Variants in ARFGEF2 observed in about 807,000 individuals in gnomAD.
ARFGEF2 encodes the protein brefeldin A-inhibited guanine nucleotide-exchange protein 2.
A neutral mutation model predicts 219.9 loss-of-function variants in ARFGEF2; 74 were observed. That is an observed-to-expected ratio of 0.34 (90% CI 0.28 to 0.41). The LOEUF is 0.41. ARFGEF2 is among the 10% of genes least tolerant of loss of function. The pLI is 1.00. For missense variants in ARFGEF2, 1,743 were observed against 2,218.3 expected (o/e 0.79, Z 4.30); for synonymous variants, 733 against 799.2 (o/e 0.92, Z 1.40).
intron 31 of ARFGEF2, 90 bp from the exon 32 acceptor site, chr20:49,017,159 G>A (rs935855926): frequency 4.5e-6 from 6 of 1,338,196 alleles, no homozygotes; most frequent in South Asian, 1.2e-5. Context: ...ACCAGTTGCT[G>A]TCTCCAACTC....
At position 49,023,192 on chromosome 20, in the gene ARFGEF2, G is replaced by A. The variant is rs2091576737; in HGVS notation, c.4755+11G>A. ...ATGGTTGCCGCCCAGGTAAGAACAGGAGGCCTCAGGAAGAGCATCCCTGTC... is the reference window on the plus strand; with the variant it reads ...ATGGTTGCCGCCCAGGTAAGAACAGAAGGCCTCAGGAAGAGCATCCCTGTC... On this transcript the variant is annotated intron_variant, in intron 35 of 38. Coordinates refer to ENST00000371917, the MANE Select transcript of ARFGEF2 (RefSeq NM_006420.3). The A allele has an allele frequency of 6.2e-7, 1 of 1,614,022 alleles. No homozygotes were observed.
chr20:48,966,547 T>C (rs1034921557), intron 8 of ARFGEF2, among the ~76,000 whole-genome samples: 1 of 152,236 alleles, frequency 6.6e-6, no homozygotes, highest in Non-Finnish European at 1.5e-5. Context: ...GGCCCATAGA[T>C]ATGTCTGCCA....
Position 48,988,508 on chromosome 20 carries a change from G to A in ARFGEF2, c.2379G>A (p.Thr793=), listed in dbSNP as rs757900146. 1.1e-5 allele frequency: 17 copies of A among 1,612,724 alleles called. No homozygotes were observed. Among genetic ancestry groups the A allele is most frequent in the East Asian group, 4.5e-5 (2 of 44,814 alleles). The change falls in exon 18 of 39, where the codon ACG becomes ACA. Residue 793 remains threonine, a synonymous_variant. Coordinates refer to ENST00000371917, the MANE Select transcript of ARFGEF2 (RefSeq NM_006420.3). ...AATTACAGGTAAAAAATAAAATGAC[G>A]AAAGAGCAGTATATTAAAATGAATC... The part of the protein sequence containing the change: ...LHSPQVKNKM[T]KEQYIKMNRG...
chr20:49,000,297 T>C (rs941263496), intron 25 of ARFGEF2, among the ~76,000 whole-genome samples: 18 of 152,318 alleles, frequency 1.2e-4, no homozygotes, highest in African/African-American at 4.3e-4. Flanking sequence ...ATCTGAGTGC[T>C]TCATGCTGGG....
chr20:48,930,975 A>ATT (rs1026038032), intron 1 of ARFGEF2, among the ~76,000 whole-genome samples: 10 of 152,204 alleles, frequency 6.6e-5, no homozygotes, highest in African/African-American at 2.2e-4. Flanking sequence ...AGTCGAGAAA[A>ATT]TTTGAGAGTG....
chr20:49,021,951 C>A (rs1293592405), intron 34 of ARFGEF2, among the ~76,000 whole-genome samples: 1 of 151,226 alleles, frequency 6.6e-6, no homozygotes, highest in Non-Finnish European at 1.5e-5. Flanking sequence ...AGTTTGAGAC[C>A]AGCCTGGCTA....
In ARFGEF2 at chr20:48,951,365, A is replaced by G. The variant is rs111612717; in HGVS notation, c.319A>G (p.Ser107Gly). The G allele has an allele frequency of 1.2e-6, 2 of 1,614,204 alleles. No homozygotes were observed. The highest frequency in any genetic ancestry group is 2.2e-5 in the South Asian group (2 of 91,090). ...GCACATCACTGGCAACGCCCCTGAC[A>G]GTGGAGCCCCTGGGAAGCGGCTGAT... Reference protein sequence around the residue: ...YGHITGNAPDSGAPGKRLIDR... With the variant: ...YGHITGNAPDGGAPGKRLIDR... Residue 107 changes from serine (S) to glycine (G), a missense_variant, in exon 4 of 39, where the codon AGT becomes GGT. This residue lies in a region of ARFGEF2 where 394 missense variants were observed against 426.6 expected (regional missense o/e 0.92). Coordinates refer to ENST00000371917, the MANE Select transcript of ARFGEF2 (RefSeq NM_006420.3).
At chr20:48,952,111 A>G (rs1473271584) in intron 4 of ARFGEF2, among the ~76,000 whole-genome samples, 1 of 133,564 alleles carries the variant, frequency 7.5e-6, no homozygotes, top group Non-Finnish European at 1.6e-5. Flanking sequence ...TATTCATTTT[A>G]GGTTTTTCAG....
At chr20:49,014,745 G>A (rs765673929) in intron 30 of ARFGEF2, among the ~76,000 whole-genome samples, 7 of 152,228 alleles carry the variant, frequency 4.6e-5, no homozygotes, top group Non-Finnish European at 1.0e-4. Flanking sequence ...AGGCAACATA[G>A]TGAGACCATA....
chr20:48,960,497 T>G (rs2091140716), intron 6 of ARFGEF2, among the ~76,000 whole-genome samples: 1 of 151,854 alleles, frequency 6.6e-6, no homozygotes, highest in South Asian at 2.1e-4. Context: ...TCTTTTTTTT[T>G]TTTGAGACCG....
intron 37 of ARFGEF2, among the ~76,000 whole-genome samples, chr20:49,030,720 C>T (rs753882872): frequency 3.3e-5 from 5 of 152,068 alleles, no homozygotes; most frequent in African/African-American, 7.2e-5. Context: ...TATGTAGGGC[C>T]GGGCGCGGTG....
Position 48,994,596 on chromosome 20 carries a change from T to C in ARFGEF2, c.3119T>C (p.Leu1040Pro). 6.2e-7 allele frequency: 1 copy of C among 1,613,712 alleles called. No homozygotes were observed. Among genetic ancestry groups the C allele is most frequent in the Non-Finnish European group, 8.5e-7 (1 of 1,180,024 alleles). Reference sequence around the variant, plus strand: ...GGAGAAGAGTTCATGGGCCTTGGCCTCGGTAAGACACCAGGCCCCACAGCT... The same window carrying C: ...GGAGAAGAGTTCATGGGCCTTGGCCCCGGTAAGACACCAGGCCCCACAGCT... ...LAGEEFMGLG[L>P]GNLVSGGVDK... Residue 1040 changes from leucine (L) to proline (P), a missense_variant and splice_region_variant, in exon 22 of 39, where the codon CTC (leucine) becomes CCC (proline). Physicochemically the swap from Leu to Pro is moderately conservative, Grantham distance 98. This residue lies in a region of ARFGEF2 where 666 missense variants were observed against 955.4 expected (regional missense o/e 0.70). Coordinates refer to ENST00000371917, the MANE Select transcript of ARFGEF2 (RefSeq NM_006420.3).
chr20:48,983,793 G>A (rs988027513), intron 14 of ARFGEF2, among the ~76,000 whole-genome samples: 1 of 152,098 alleles, frequency 6.6e-6, no homozygotes, highest in Non-Finnish European at 1.5e-5. Flanking sequence ...TTCTGCCCTT[G>A]CCCCTATTTG....
intron 1 of ARFGEF2, among the ~76,000 whole-genome samples, chr20:48,925,930 C>T (rs1230247375): frequency 1.3e-5 from 2 of 152,094 alleles, no homozygotes; most frequent in East Asian, 1.9e-4. Context: ...AGTAAACATA[C>T]GTATTTTCAT....
chr20:49,020,960 T>C (rs1462645595), intron 34 of ARFGEF2, among the ~76,000 whole-genome samples: 4 of 152,200 alleles, frequency 2.6e-5, no homozygotes, highest in Non-Finnish European at 5.9e-5. Context: ...CAAAAATCTT[T>C]GCACTATTAT....
intron 26 of ARFGEF2, among the ~76,000 whole-genome samples, chr20:49,005,748 A>G (rs1250154932): frequency 6.6e-6 from 1 of 151,172 alleles, no homozygotes; most frequent in Non-Finnish European, 1.5e-5. Flanking sequence ...AAAAAAAAAA[A>G]AAAAAAAAAA....
intron 21 of ARFGEF2, among the ~76,000 whole-genome samples, chr20:48,994,129 C>T (rs1474685385): frequency 6.6e-6 from 1 of 151,972 alleles, no homozygotes; most frequent in African/African-American, 2.4e-5. Context: ...GTGCCAAGGC[C>T]CTGAGGTGGG....
intron 1 of ARFGEF2, among the ~76,000 whole-genome samples, chr20:48,933,080 AC>A (rs977136238): frequency 4.6e-5 from 7 of 152,032 alleles, no homozygotes; most frequent in Non-Finnish European, 7.4e-5. Flanking sequence ...GAGGTGTGTG[AC>A]CCGAGCGGTA....
chr20:48,959,507 C>T (rs1264870836), intron 6 of ARFGEF2, among the ~76,000 whole-genome samples: 1 of 28,262 alleles, frequency 3.5e-5, no homozygotes, highest in Non-Finnish European at 6.4e-5. Flanking sequence ...CCTTCCTTCC[C>T]TCCTTTCCAC....
Sources: allele counts gnomAD v4.1 joint callset (sites outside exome capture counted in the v4.1 genomes callset), GRCh38; gene constraint gnomAD v4.1.1; regional missense constraint gnomAD v4.1.1; transcripts MANE v1.5; gene names NCBI Gene and HGNC (gene_info 2026-07-23, HGNC 2026-07-21).